TCEA1: variants seen among roughly 807,000 people sequenced by gnomAD.
TCEA1 encodes transcription elongation factor A1.
In TCEA1, 21 loss-of-function variants were observed where a neutral mutation model predicts 43.8. That is an observed-to-expected ratio of 0.48 (90% CI 0.34 to 0.69). The LOEUF is 0.69. Among genes scored for constraint, TCEA1 ranks in the 30% least tolerant of loss-of-function variants. TCEA1 has a pLI of 0.01. For missense variants in TCEA1, 250 were observed against 365.1 expected, an observed-to-expected ratio of 0.68 and a Z score of 2.57; for synonymous variants, 104 against 117.5, an observed-to-expected ratio of 0.88 and a Z score of 0.75.
intron 1 of TCEA1, among the ~76,000 whole-genome samples, chr8:54,012,316 C>G (rs1220128988): frequency 6.6e-6 from 1 of 152,212 alleles, no homozygotes; most frequent in African/African-American, 2.4e-5. Context: ...AATCCCAACA[C>G]TTTGGGAGGC....
chr8:53,987,021 G>A lies in TCEA1; in HGVS notation c.471C>T (p.Asp157=). 2 of 1,597,156 alleles carry A rather than the reference G, an allele frequency of 1.3e-6. No homozygotes were observed. Among genetic ancestry groups the A allele is most frequent in the Non-Finnish European group, 1.7e-6 (2 of 1,172,358 alleles). The change falls in exon 6 of 10, where the codon GAC becomes GAT. Residue 157 remains aspartate, a synonymous_variant. Coordinates refer to ENST00000521604, the MANE Select transcript of TCEA1 (RefSeq NM_006756.4). ...MLAAALRTGD[D]YIAIGADEEE... Reference sequence around the variant, plus strand: ...CCTCATCAGCTCCAATTGCAATGTAGTCATCTAAAAATAGGCATAAAGAAT... The same window carrying A: ...CCTCATCAGCTCCAATTGCAATGTAATCATCTAAAAATAGGCATAAAGAAT...
At chr8:53,976,374 G>A (rs1803333185) in intron 8 of TCEA1, among the ~76,000 whole-genome samples, 1 of 152,140 alleles carries the variant, frequency 6.6e-6, no homozygotes, top group Non-Finnish European at 1.5e-5. Context: ...ACTTAATTCT[G>A]ATATCCAGGG....
At chr8:54,002,617 T>C (rs1326801438) in intron 2 of TCEA1, among the ~76,000 whole-genome samples, 1 of 151,972 alleles carries the variant, frequency 6.6e-6, no homozygotes, top group Non-Finnish European at 1.5e-5. Flanking sequence ...GCTATTTACT[T>C]GGATAAGCAA....
In TCEA1 at chr8:54,000,448, A is replaced by C. The variant is rs554197588; in HGVS notation, c.127-398T>G. 7.9e-5 allele frequency among the ~76,000 whole-genome samples: 12 copies of C among 152,338 alleles called. No homozygotes were observed. In the East Asian group the frequency reaches 2.1e-3, roughly 27 times the overall value. On this transcript the variant is annotated intron_variant, in intron 2 of 9. Coordinates refer to ENST00000521604, the MANE Select transcript of TCEA1 (RefSeq NM_006756.4). ...TACATTCCTCTACATGGATTACTTC[A>C]TAGAGCACCAGCTGCAAATTATTAT...
intron 1 of TCEA1, among the ~76,000 whole-genome samples, chr8:54,019,554 A>G (rs911652067): frequency 3.7e-4 from 56 of 149,694 alleles, no homozygotes; most frequent in African/African-American, 1.2e-3. Flanking sequence ...TGGGTAACAG[A>G]GTGACACTGT....
intron 1 of TCEA1, chr8:54,021,756 G>A (rs1805040537): frequency 2.1e-5 from 6 of 279,766 alleles, no homozygotes; most frequent in African/African-American, 1.3e-4. Flanking sequence ...AAATTGCCAA[G>A]GTTTTACTAG....
intron 9 of TCEA1, among the ~76,000 whole-genome samples, chr8:53,969,600 C>T (rs904985868): frequency 5.3e-5 from 8 of 152,112 alleles, no homozygotes; most frequent in Admixed American, 2.6e-4. Context: ...ATTATCTCTA[C>T]TCTTCATCAC....
chr8:53,985,892 A>G (rs1301546493), intron 6 of TCEA1, among the ~76,000 whole-genome samples: 5 of 152,228 alleles, frequency 3.3e-5, no homozygotes, highest in Admixed American at 1.3e-4. Context: ...TTCAGACACT[A>G]CAGTCTCAAT....
intron 3 of TCEA1, among the ~76,000 whole-genome samples, chr8:53,997,215 T>G (rs1241371380): frequency 6.6e-6 from 1 of 152,070 alleles, no homozygotes; most frequent in African/African-American, 2.4e-5. Flanking sequence ...GCCAGAAGGT[T>G]CTTCTTCTAA....
At chr8:54,019,841 G>T (rs965794105) in intron 1 of TCEA1, among the ~76,000 whole-genome samples, 1 of 152,102 alleles carries the variant, frequency 6.6e-6, no homozygotes, top group Admixed American at 6.6e-5. Flanking sequence ...AAATGCTGGG[G>T]AAAACAAAAG....
chr8:53,977,532 C>T (rs1803369599), intron 8 of TCEA1, among the ~76,000 whole-genome samples: 1 of 152,036 alleles, frequency 6.6e-6, no homozygotes, highest in Admixed American at 6.5e-5. Flanking sequence ...AGTAAAGGCC[C>T]CTTTAGAGTT....
At chr8:53,995,495 A>C (rs942965573) in intron 3 of TCEA1, among the ~76,000 whole-genome samples, 4 of 152,112 alleles carry the variant, frequency 2.6e-5, no homozygotes, top group Non-Finnish European at 5.9e-5. Context: ...ATAGCCTTGA[A>C]GCTAAGTTCA....
At chr8:53,970,564 T>C (rs1803127290) in intron 8 of TCEA1, 101 bp from the exon 9 acceptor site, 1 of 613,254 alleles carries the variant, frequency 1.6e-6, no homozygotes, top group Admixed American at 3.3e-5. Context: ...AATATAATGG[T>C]ACCACAATAA....
intron 1 of TCEA1, 152 bp downstream of exon 1, chr8:54,021,911 G>T: frequency 1.5e-6 from 1 of 653,072 alleles, no homozygotes; most frequent in Non-Finnish European, 2.3e-6. Flanking sequence ...CCCCGGGCCC[G>T]GACACCCTCC....
chr8:53,990,885 C>G (rs1241750396), intron 4 of TCEA1, among the ~76,000 whole-genome samples: 1 of 152,180 alleles, frequency 6.6e-6, no homozygotes, highest in Non-Finnish European at 1.5e-5. Context: ...ATATAAAATC[C>G]TGCTTAGCTA....
intron 2 of TCEA1, among the ~76,000 whole-genome samples, chr8:54,007,433 G>A (rs921829544): frequency 6.6e-6 from 1 of 151,778 alleles, no homozygotes; most frequent in Admixed American, 6.6e-5. Flanking sequence ...CTCTAGCCTC[G>A]ATCTCCCAAG....
At chr8:53,999,465 G>A (rs1804180957) in intron 3 of TCEA1, among the ~76,000 whole-genome samples, 1 of 151,954 alleles carries the variant, frequency 6.6e-6, no homozygotes, top group Admixed American at 6.6e-5. Flanking sequence ...GGGTAAAAGA[G>A]CATGATATAT....
intron 8 of TCEA1, chr8:53,971,609 C>CAA: frequency 6.6e-6 from 1 of 152,580 alleles, no homozygotes; most frequent in Non-Finnish European, 1.4e-5. Flanking sequence ...GATTCCATCT[C>CAA]AAAAAAAAAA....
chr8:53,981,936 T>C (rs1043799986), intron 7 of TCEA1, among the ~76,000 whole-genome samples: 3 of 150,606 alleles, frequency 2.0e-5, no homozygotes, highest in Non-Finnish European at 4.4e-5. Context: ...TCTTTTTTTT[T>C]TTTTTTTTTG....
Sources: gnomAD v4.1 joint callset for allele counts (sites outside exome capture counted in the v4.1 genomes callset) on GRCh38, gnomAD v4.1.1 for gene constraint, MANE v1.5 for transcripts, NCBI Gene and HGNC (gene_info 2026-07-23, HGNC 2026-07-21) for gene names.